EYS: variants seen among roughly 807,000 people sequenced by gnomAD.
The protein encoded by EYS is protein eyes shut homolog.
A neutral mutation model predicts 282.1 loss-of-function variants in EYS; 250 were observed. That is an observed-to-expected ratio of 0.89 (90% CI 0.80 to 0.98). The LOEUF (loss-of-function observed/expected upper bound fraction) is 0.98, where lower values mean the gene tolerates loss of function less well. Among genes scored for constraint, EYS ranks in the 50% least tolerant of loss-of-function variants. EYS has a pLI of 0.00. For missense variants in EYS, 4,016 were observed against 3,709.0 expected, an observed-to-expected ratio of 1.08 and a Z score of -2.15; for synonymous variants, 1,355 against 1,282.9, an observed-to-expected ratio of 1.06 and a Z score of -1.20.
chr6:63,908,378 AC>A (rs1214766333), intron 35 of EYS, among the ~76,000 whole-genome samples: 2 of 152,226 alleles, frequency 1.3e-5, no homozygotes, highest in East Asian at 3.9e-4. Flanking sequence ...AATTAGTACA[AC>A]CTCTATGGAA....
chr6:64,974,706 T>A (rs1202868834), intron 14 of EYS, among the ~76,000 whole-genome samples: 1 of 151,900 alleles, frequency 6.6e-6, no homozygotes, highest in Non-Finnish European at 1.5e-5. Context: ...TACTTCTCTC[T>A]TAAGTTTTCC....
At chr6:65,560,451 A>G (rs924535221) in intron 2 of EYS, among the ~76,000 whole-genome samples, 80 of 148,132 alleles carry the variant, frequency 5.4e-4, no homozygotes, top group African/African-American at 1.9e-3. Context: ...GCAGGACACA[A>G]ATAAAGGTGT....
chr6:64,394,206 C>T (rs1281365839), intron 28 of EYS, among the ~76,000 whole-genome samples: 1 of 152,064 alleles, frequency 6.6e-6, no homozygotes, highest in Non-Finnish European at 1.5e-5. Context: ...GCCATACTGC[C>T]CAAGGTAATT....
chr6:65,487,544 A>C (rs76811651), intron 5 of EYS, among the ~76,000 whole-genome samples: 1 of 152,146 alleles, frequency 6.6e-6, no homozygotes, highest in African/African-American at 2.4e-5. Flanking sequence ...TTGGTAGACA[A>C]GCTTTCTGAT....
chr6:64,025,981 G>C (rs1037668234), intron 33 of EYS, among the ~76,000 whole-genome samples: 5 of 152,192 alleles, frequency 3.3e-5, no homozygotes, highest in African/African-American at 1.2e-4. Flanking sequence ...TGGTCTAGGG[G>C]ACAGGCAAGG....
intron 20 of EYS, among the ~76,000 whole-genome samples, chr6:64,822,416 A>T (rs1204793416): frequency 6.6e-6 from 1 of 151,862 alleles, no homozygotes; most frequent in Non-Finnish European, 1.5e-5. Context: ...ATTAATCCAC[A>T]TTTATAGAAA....
At chr6:64,895,762 T>C (rs1187179284) in intron 18 of EYS, among the ~76,000 whole-genome samples, 1 of 152,138 alleles carries the variant, frequency 6.6e-6, no homozygotes, top group South Asian at 2.1e-4. Context: ...TCTGAGTTTA[T>C]TTTTTAAGTG....
intron 28 of EYS, 139 bp from the exon 29 acceptor site, chr6:64,388,979 T>C: frequency 1.7e-6 from 1 of 588,668 alleles, no homozygotes. Context: ...AGCAGATTAA[T>C]CTGTTATAAA....
In EYS at chr6:65,109,801, C is replaced by A. The variant is rs1000104270; in HGVS notation, c.2024-52074G>T. 5.3e-4 allele frequency among the ~76,000 whole-genome samples: 81 copies of A among 152,228 alleles called. 1 individual carries two copies. The highest frequency in any genetic ancestry group is 1.9e-3 in the African/African-American group (79 of 41,556). ...ACCCTTCTACAGGTAAGCAAAAACTCTGCTATAGAACCTGCCTACTTCTAT... is the reference window on the plus strand; with the variant it reads ...ACCCTTCTACAGGTAAGCAAAAACTATGCTATAGAACCTGCCTACTTCTAT... On this transcript the variant is annotated intron_variant, in intron 12 of 42. Coordinates refer to ENST00000503581, the MANE Select transcript of EYS (RefSeq NM_001142800.2).
chr6:63,877,594 C>A (rs1389499821), intron 35 of EYS, among the ~76,000 whole-genome samples: 2 of 151,728 alleles, frequency 1.3e-5, no homozygotes, highest in East Asian at 1.9e-4. Flanking sequence ...CTTCCCAACA[C>A]TTTCAGGTAC....
intron 22 of EYS, among the ~76,000 whole-genome samples, chr6:64,674,765 TAC>T (rs57185055): frequency 2.6e-4 from 39 of 150,198 alleles, no homozygotes; most frequent in Middle Eastern, 3.4e-3. Context: ...CATATATACA[TAC>T]ACACACACAC....
At chr6:64,167,645 GAC>G (rs1184028048) in intron 31 of EYS, among the ~76,000 whole-genome samples, 4 of 151,944 alleles carry the variant, frequency 2.6e-5, no homozygotes, top group African/African-American at 4.8e-5. Flanking sequence ...CGTACATACA[GAC>G]ACACACACCC....
At chr6:64,777,413 A>G (rs937697746) in intron 22 of EYS, among the ~76,000 whole-genome samples, 3 of 152,126 alleles carry the variant, frequency 2.0e-5, no homozygotes, top group Admixed American at 2.0e-4. Flanking sequence ...AAACAAAAGA[A>G]AGAAATGGCA....
rs146238109 is a variant in EYS, at chr6:64,944,384, G to C, written c.2381+1409C>G. Among the ~76,000 whole-genome samples, 106 of 152,192 alleles carry C rather than the reference G, an allele frequency of 7.0e-4. No individual in the cohort carries two copies. The East Asian group carries it at 0.011, about 16-fold the overall frequency. On this transcript the variant is annotated intron_variant, in intron 15 of 42. Coordinates refer to ENST00000503581, the MANE Select transcript of EYS (RefSeq NM_001142800.2). Reference sequence around the variant, plus strand: ...AATTGACAAGTAAGATTAAGCTAAAGAGCTTCTGCATAGCAAAGGAAACTA... The same window carrying C: ...AATTGACAAGTAAGATTAAGCTAAACAGCTTCTGCATAGCAAAGGAAACTA...
intron 18 of EYS, among the ~76,000 whole-genome samples, chr6:64,889,576 G>C (rs1160857946): frequency 6.6e-6 from 1 of 151,960 alleles, no homozygotes; most frequent in East Asian, 1.9e-4. Flanking sequence ...AAGATTTCAT[G>C]GACGTTTACT....
chr6:64,430,623 T>G (rs2150459288), intron 28 of EYS, among the ~76,000 whole-genome samples: 1 of 152,298 alleles, frequency 6.6e-6, no homozygotes, highest in South Asian at 2.1e-4. Context: ...AGTTATATTT[T>G]CCCTTATAGA....
At chr6:64,512,833 T>C (rs529136465) in intron 26 of EYS, among the ~76,000 whole-genome samples, 1 of 152,082 alleles carries the variant, frequency 6.6e-6, no homozygotes, top group South Asian at 2.1e-4. Context: ...TTCAGCATTT[T>C]CCAAAGTCAG....
At chr6:65,306,321 CTTGTTAAGATTGGG>C (rs1769003098) in intron 11 of EYS, among the ~76,000 whole-genome samples, 1 of 152,174 alleles carries the variant, frequency 6.6e-6, no homozygotes, top group South Asian at 2.1e-4. Context: ...CCCATTCAGT[CTTGTTAAGATTGGG>C]ATGATTCTGC....
At chr6:64,780,014 A>C (rs1026919816) in intron 22 of EYS, among the ~76,000 whole-genome samples, 1 of 152,196 alleles carries the variant, frequency 6.6e-6, no homozygotes, top group Non-Finnish European at 1.5e-5. Flanking sequence ...ACAACATCTT[A>C]ATCTCTTCTT....
Sources: allele counts gnomAD v4.1 joint callset (sites outside exome capture counted in the v4.1 genomes callset), GRCh38; gene constraint gnomAD v4.1.1; transcripts MANE v1.5; gene names NCBI Gene and HGNC (gene_info 2026-07-23, HGNC 2026-07-21).